The following SMIM19 variants were observed in gnomAD, a reference collection of about 807,000 sequenced individuals.
The protein encoded by SMIM19 is UPF0697 protein C8orf40.
Under a neutral mutation model 13.2 loss-of-function variants are expected in SMIM19, and 6 were observed. The observed-to-expected ratio is 0.45, with a 90% confidence interval of 0.25 to 0.90. The LOEUF is 0.90. Among genes scored for constraint, SMIM19 ranks in the 40% least tolerant of loss-of-function variants. The pLI is 0.19. For synonymous variants in SMIM19, 46 were observed against 43.1 expected, an observed-to-expected ratio of 1.07 and a Z score of -0.27; for missense variants, 138 against 131.0, an observed-to-expected ratio of 1.05 and a Z score of -0.26.
chr8:42,544,134 G>A (rs1443675059), intron 1 of SMIM19, among the ~76,000 whole-genome samples: 1 of 152,142 alleles, frequency 6.6e-6, no homozygotes, highest in Non-Finnish European at 1.5e-5. Flanking sequence ...AATACCGGCC[G>A]GGCGCGGTGG....
rs544179303 is a variant in SMIM19, at chr8:42,547,493, T to C, written c.134+887T>C. 3.9e-5 allele frequency among the ~76,000 whole-genome samples: 6 copies of C among 152,314 alleles called. No individual in the cohort carries two copies. The East Asian group carries it at 9.7e-4, about 25-fold the overall frequency. On this transcript the variant is annotated intron_variant, in intron 2 of 3. Coordinates refer to ENST00000417410, the MANE Select transcript of SMIM19 (RefSeq NM_001135674.2). ...AATTTTATCATCCAGCCTGGGTTCA[T>C]TGTCACCCTTCATTGAGCACATTTT...
chr8:42,549,280 C>T (rs955299957), intron 3 of SMIM19, among the ~76,000 whole-genome samples: 1 of 151,992 alleles, frequency 6.6e-6, no homozygotes, highest in Non-Finnish European at 1.5e-5. Flanking sequence ...GGCACACTTG[C>T]GGGTGCCTGT....
chr8:42,542,913 G>A (rs1219289049), intron 1 of SMIM19, among the ~76,000 whole-genome samples: 2 of 151,354 alleles, frequency 1.3e-5, no homozygotes, highest in African/African-American at 2.4e-5. Context: ...CTGGGACGTC[G>A]AGGCTGCAGT....
chr8:42,549,325 T>A (rs973797820), intron 3 of SMIM19, among the ~76,000 whole-genome samples: 5 of 151,724 alleles, frequency 3.3e-5, no homozygotes, highest in African/African-American at 4.8e-5. Context: ...GGCAGGAGAA[T>A]CGCTCGAACC....
At chr8:42,547,976 C>T (rs1443211628) in intron 2 of SMIM19, among the ~76,000 whole-genome samples, 5 of 152,138 alleles carry the variant, frequency 3.3e-5, no homozygotes, top group Non-Finnish European at 7.3e-5. Flanking sequence ...AAATAATTTA[C>T]GTTTGGCCTG....
chr8:42,542,509 T>A (rs548514363), intron 1 of SMIM19, 136 bp downstream of exon 1: 2 of 978,882 alleles, frequency 2.0e-6, no homozygotes, highest in Non-Finnish European at 2.4e-6. Context: ...TGAATTTGTA[T>A]CAAAGTAACA....
Position 42,554,053 on chromosome 8 carries a change from C to A in SMIM19, c.*1445C>A, listed in dbSNP as rs1475826567. On this transcript the variant is annotated 3_prime_UTR_variant, in exon 4 of 4. Transcript: ENST00000417410. ...CCCTTATTGTGAAATAAACTATATA[C>A]ATTTTAAATGGAAATTAAGGTTTAG... is the stretch of plus-strand genomic sequence containing the variant. 6.6e-6 allele frequency: 1 copy of A among 151,444 alleles called. No homozygotes were observed. The highest frequency in any genetic ancestry group is 1.9e-4 in the East Asian group (1 of 5,176). The allele number at this position is 151,444 out of a possible 1,614,324, so 9.4% of individuals were successfully genotyped here. A position where few individuals can be genotyped will look rare whatever the true frequency, so the allele number is the denominator to read the frequency against.
chr8:42,552,922 G>A lies in SMIM19; in HGVS notation c.*314G>A. 3.6e-6 allele frequency: 1 copy of A among 280,150 alleles called. No individual in the cohort carries two copies. The highest frequency in any genetic ancestry group is 6.6e-6 in the Non-Finnish European group (1 of 150,894). The allele number at this position is 280,150 out of a possible 1,614,324, so 17.4% of individuals were successfully genotyped here. A position where few individuals can be genotyped will look rare whatever the true frequency, so the allele number is the denominator to read the frequency against. On this transcript the variant is annotated 3_prime_UTR_variant, in exon 4 of 4. Transcript: ENST00000417410. Reference sequence around the variant, plus strand: ...CACATCTTGGGAAGTGGGAATCCTGGAGTTTATGCCATTTGCAATATTAAA... The same window carrying A: ...CACATCTTGGGAAGTGGGAATCCTGAAGTTTATGCCATTTGCAATATTAAA...
Position 42,542,085 on chromosome 8 carries a change from C to T in SMIM19, c.-293C>T, listed in dbSNP as rs895051186. ...TCCTGGGAGAGGATTACATTTTCTC[C>T]CTGCTCCACTTGACTTTCTTCCGGA... On this transcript the variant is annotated 5_prime_UTR_variant, in exon 1 of 4. Coordinates refer to ENST00000417410, the MANE Select transcript of SMIM19 (RefSeq NM_001135674.2). 1.3e-5 allele frequency: 2 copies of T among 152,228 alleles called. No individual in the cohort carries two copies. Among genetic ancestry groups the T allele is most frequent in the Admixed American group, 6.5e-5 (1 of 15,270 alleles). 9.4% of individuals were successfully genotyped at this position (152,228 alleles called of 1,614,324 possible).
intron 1 of SMIM19, among the ~76,000 whole-genome samples, chr8:42,545,139 G>T (rs1186175001): frequency 6.6e-6 from 1 of 152,254 alleles, no homozygotes; most frequent in East Asian, 1.9e-4. Flanking sequence ...TTACATATTA[G>T]GTCATTTTAC....
chr8:42,546,422 T>C (rs997789615), intron 1 of SMIM19, 47 bp from the exon 2 acceptor site: 24 of 1,565,228 alleles, frequency 1.5e-5, no homozygotes, highest in Non-Finnish European at 2.0e-5. Context: ...CAGACAGTGC[T>C]ACCATCATTA....
intron 2 of SMIM19, 42 bp from the exon 3 acceptor site, chr8:42,548,614 A>G: frequency 3.1e-6 from 5 of 1,610,426 alleles, no homozygotes; most frequent in Non-Finnish European, 4.2e-6. Flanking sequence ...AACTCTATAG[A>G]CATTAATACA....
At chr8:42,543,356 A>G (rs1475686764) in intron 1 of SMIM19, among the ~76,000 whole-genome samples, 1 of 152,168 alleles carries the variant, frequency 6.6e-6, no homozygotes, top group African/African-American at 2.4e-5. Flanking sequence ...AGCCTTATAA[A>G]GTCATGCCAT....
chr8:42,551,631 A>T (rs556276748), intron 3 of SMIM19, among the ~76,000 whole-genome samples: 29 of 152,202 alleles, frequency 1.9e-4, no homozygotes, highest in African/African-American at 6.5e-4. Flanking sequence ...TAAAGGAAGA[A>T]ATTACTAAAC....
intron 3 of SMIM19, among the ~76,000 whole-genome samples, chr8:42,551,434 C>A (rs901419736): frequency 6.6e-6 from 1 of 151,858 alleles, no homozygotes; most frequent in South Asian, 2.1e-4. Flanking sequence ...CTTCAATTAA[C>A]GTTTCTTAGA....
intron 1 of SMIM19, among the ~76,000 whole-genome samples, chr8:42,546,062 T>C (rs2974346): frequency 0.54 from 82,738 of 152,012 alleles, 22,887 homozygotes; most frequent in Middle Eastern, 0.64. Flanking sequence ...GATATCAAAA[T>C]CCGTAGATGC....
At chr8:42,548,826 T>C (rs1224703066) in intron 3 of SMIM19, 46 bp downstream of exon 3, 1 of 1,545,156 alleles carries the variant, frequency 6.5e-7, no homozygotes, top group Admixed American at 2.1e-5. Context: ...ACATTTAAAA[T>C]AGATTTTCTG....
At position 42,548,794 on chromosome 8, in the gene SMIM19, G is replaced by T; in HGVS notation, c.259+14G>T. On this transcript the variant is annotated intron_variant, in intron 3 of 3. Coordinates refer to ENST00000417410, the MANE Select transcript of SMIM19 (RefSeq NM_001135674.2). ...TGTATTCCATTTGTAAGTATATTCT[G>T]TGCTGAAAGATACACATATGCACAT... 6.2e-7 allele frequency: 1 copy of T among 1,609,008 alleles called. No homozygotes were observed. The highest frequency in any genetic ancestry group is 8.5e-7 in the Non-Finnish European group (1 of 1,177,924).
At chr8:42,545,661 G>A (rs1331679366) in intron 1 of SMIM19, among the ~76,000 whole-genome samples, 2 of 152,160 alleles carry the variant, frequency 1.3e-5, no homozygotes, top group Non-Finnish European at 2.9e-5. Flanking sequence ...CTCCCAAGTA[G>A]CTGGGATTAC....
Sources: allele counts gnomAD v4.1 joint callset (sites outside exome capture counted in the v4.1 genomes callset), GRCh38; gene constraint gnomAD v4.1.1; transcripts MANE v1.5; gene names NCBI Gene and HGNC (gene_info 2026-07-23, HGNC 2026-07-21).